The following STAB2 variants were observed in gnomAD, a reference collection of about 807,000 sequenced individuals.
The protein encoded by STAB2 is stabilin-2.
A neutral mutation model predicts 338.1 loss-of-function variants in STAB2; 288 were observed. That is an observed-to-expected ratio of 0.85 (90% CI 0.77 to 0.94). The LOEUF is 0.94. Ranked by LOEUF, STAB2 falls within the 40% of genes least tolerant of loss-of-function variation. STAB2 has a pLI of 0.00. For missense variants in STAB2, 3,141 were observed against 3,210.1 expected (o/e 0.98, Z 0.52); for synonymous variants, 1,202 against 1,193.3 (o/e 1.01, Z -0.15).
intron 56 of STAB2, among the ~76,000 whole-genome samples, chr12:103,744,312 T>G (rs1251200758): frequency 6.6e-6 from 1 of 151,056 alleles, no homozygotes; most frequent in Non-Finnish European, 1.5e-5. Flanking sequence ...CCCAAATAAT[T>G]TTTTATTTTT....
At chr12:103,596,356 T>C (rs147412958) in intron 3 of STAB2, among the ~76,000 whole-genome samples, 75 of 152,320 alleles carry the variant, frequency 4.9e-4, no homozygotes, top group Admixed American at 1.2e-3. Flanking sequence ...GACATATGAA[T>C]GTCAGAAAAC....
intron 60 of STAB2, among the ~76,000 whole-genome samples, chr12:103,751,790 TC>T (rs1366322988): frequency 2.0e-5 from 3 of 152,202 alleles, no homozygotes; most frequent in African/African-American, 7.2e-5. Flanking sequence ...GTCCAGCTTC[TC>T]CCATGGGCTT....
intron 27 of STAB2, among the ~76,000 whole-genome samples, chr12:103,686,952 G>C (rs562612354): frequency 6.6e-6 from 1 of 151,950 alleles, no homozygotes; most frequent in African/African-American, 2.4e-5. Flanking sequence ...CCCCTCTAAG[G>C]GATTACTCAG....
intron 27 of STAB2, among the ~76,000 whole-genome samples, chr12:103,687,708 A>G (rs1877558354): frequency 6.6e-6 from 1 of 152,204 alleles, no homozygotes; most frequent in Admixed American, 6.5e-5. Context: ...CCTTTAGGTA[A>G]CTGGCCTAGG....
At chr12:103,687,050 A>G (rs982919197) in intron 27 of STAB2, among the ~76,000 whole-genome samples, 9 of 152,236 alleles carry the variant, frequency 5.9e-5, no homozygotes, top group South Asian at 4.1e-4. Context: ...CTCAACTACT[A>G]GATGGAATTG....
At chr12:103,617,426 G>A (rs17501769) in intron 3 of STAB2, among the ~76,000 whole-genome samples, 3,727 of 152,278 alleles carry the variant, frequency 0.024, 65 homozygotes, top group Middle Eastern at 0.048. Flanking sequence ...ACTATCATTC[G>A]TTAAGCACCT....
chr12:103,638,287 T>C, intron 8 of STAB2, 75 bp downstream of exon 8: 1 of 1,472,984 alleles, frequency 6.8e-7, no homozygotes, highest in Non-Finnish European at 9.2e-7. Context: ...ATCATTTGTC[T>C]TCTATGCCAT....
chr12:103,616,825 T>A (rs1453817331), intron 3 of STAB2, among the ~76,000 whole-genome samples: 1 of 152,188 alleles, frequency 6.6e-6, no homozygotes, highest in African/African-American at 2.4e-5. Flanking sequence ...ATAGAAGAAC[T>A]ATTTGATGGT....
chr12:103,741,626 T>C (rs1882591141), intron 55 of STAB2, among the ~76,000 whole-genome samples: 1 of 152,230 alleles, frequency 6.6e-6, no homozygotes, highest in Non-Finnish European at 1.5e-5. Flanking sequence ...GCTAATTTTT[T>C]TGTATTTTTC....
chr12:103,731,660 C>G, intron 50 of STAB2, 25 bp downstream of exon 50: 1 of 1,604,394 alleles, frequency 6.2e-7, no homozygotes, highest in Non-Finnish European at 8.5e-7. Flanking sequence ...GAAGTTGACT[C>G]AGAGGATAAC....
At chr12:103,651,402 C>T (rs1174701759) in intron 11 of STAB2, among the ~76,000 whole-genome samples, 1 of 151,278 alleles carries the variant, frequency 6.6e-6, no homozygotes, top group Admixed American at 6.6e-5. Context: ...CAACCTCTGC[C>T]TTCCGGGTTC....
At position 103,746,940 on chromosome 12, in the gene STAB2, T is replaced by G. The variant is rs531885400; in HGVS notation, c.6244+236T>G. Among the ~76,000 whole-genome samples the G allele has an allele frequency of 1.6e-4, 23 of 141,552 alleles. No homozygotes were observed. The South Asian group carries it at 5.3e-3, about 32-fold the overall frequency. The allele number at this position is 141,552 out of a possible 152,430, so 92.9% of individuals were successfully genotyped here. Reference sequence around the variant, plus strand: ...CTGGGATGCACTTTACTTTAGAATGTTTTTCTTTCTTTTTTTTTTTTTTTT... The same window carrying G: ...CTGGGATGCACTTTACTTTAGAATGGTTTTCTTTCTTTTTTTTTTTTTTTT... On this transcript the variant is annotated intron_variant, in intron 58 of 68. Coordinates refer to ENST00000388887, the MANE Select transcript of STAB2 (RefSeq NM_017564.10).
At chr12:103,683,127 T>C in intron 25 of STAB2, 78 bp from the exon 26 acceptor site, 1 of 1,298,278 alleles carries the variant, frequency 7.7e-7, no homozygotes, top group South Asian at 1.3e-5. Context: ...ATAGTACGTT[T>C]CTCAGTGCTG....
intron 3 of STAB2, among the ~76,000 whole-genome samples, chr12:103,603,471 G>A (rs1050856455): frequency 9.2e-5 from 14 of 152,136 alleles, no homozygotes; most frequent in African/African-American, 3.4e-4. Flanking sequence ...TTGAAAAGAT[G>A]ATCCTCTCCT....
chr12:103,655,699 C>A (rs1008132432), intron 15 of STAB2, 118 bp downstream of exon 15: 2 of 1,256,962 alleles, frequency 1.6e-6, no homozygotes, highest in Non-Finnish European at 2.2e-6. Flanking sequence ...TCACCACCTA[C>A]CCTCCAACAA....
intron 8 of STAB2, among the ~76,000 whole-genome samples, chr12:103,639,229 C>A (rs1486854078): frequency 6.6e-6 from 1 of 152,136 alleles, no homozygotes; most frequent in African/African-American, 2.4e-5. Flanking sequence ...CTTAGAAATT[C>A]TCCATTGTTC....
At chr12:103,731,656 G>T in intron 50 of STAB2, 21 bp downstream of exon 50, 1 of 1,606,824 alleles carries the variant, frequency 6.2e-7, no homozygotes, top group South Asian at 1.1e-5. Context: ...AGGGGAAGTT[G>T]ACTCAGAGGA....
chr12:103,737,492 T>C (rs1015674032), intron 52 of STAB2, 142 bp from the exon 53 acceptor site: 2 of 865,206 alleles, frequency 2.3e-6, no homozygotes, highest in Non-Finnish European at 3.4e-6. Flanking sequence ...CATGGGGTTT[T>C]ATTAAGTTCT....
At position 103,755,377 on chromosome 12, in the gene STAB2, A is replaced by C. The variant is rs1284732296; in HGVS notation, c.6790A>C (p.Asn2264His). The C allele has an allele frequency of 6.2e-7, 1 of 1,613,988 alleles. No individual in the cohort carries two copies. The highest frequency in any genetic ancestry group is 1.3e-5 in the African/African-American group (1 of 74,902). ...VAYPTAFASQNCGSGVVGIVD... is the reference protein window; with the variant it reads ...VAYPTAFASQHCGSGVVGIVD... Reference sequence around the variant, plus strand: ...CTACCCCACAGCCTTCGCCTCCCAGAACTGTGGCTCTGGTGTGGTTGGGAT... The same window carrying C: ...CTACCCCACAGCCTTCGCCTCCCAGCACTGTGGCTCTGGTGTGGTTGGGAT... The change falls in exon 62 of 69, where the codon AAC becomes CAC. Residue 2264 changes from asparagine to histidine, a missense_variant. Asn to His is a moderately conservative substitution (Grantham distance 68, BLOSUM62 1). Coordinates refer to ENST00000388887, the MANE Select transcript of STAB2 (RefSeq NM_017564.10).
Sources: allele counts gnomAD v4.1 joint callset (sites outside exome capture counted in the v4.1 genomes callset), GRCh38; gene constraint gnomAD v4.1.1; transcripts MANE v1.5; gene names NCBI Gene and HGNC (gene_info 2026-07-23, HGNC 2026-07-21).